VSIG8: variants seen among roughly 807,000 people sequenced by gnomAD.
VSIG8 encodes the protein V-set and immunoglobulin domain-containing protein 8.
In VSIG8, 32 loss-of-function variants were observed where a neutral mutation model predicts 42.6. The ratio of observed to expected loss-of-function variants is 0.75; its 90% CI spans 0.57 to 1.01. VSIG8 has a LOEUF of 1.01. Ranked by LOEUF, VSIG8 falls within the 50% of genes least tolerant of loss-of-function variation. The pLI is 0.00. For synonymous variants in VSIG8, 290 were observed against 243.8 expected (o/e 1.19, Z -1.77); for missense variants, 529 against 558.0 (o/e 0.95, Z 0.52).
intron 5 of VSIG8, 130 bp downstream of exon 5, chr1:159,856,393 AG>A: frequency 1.4e-6 from 2 of 1,478,974 alleles, no homozygotes; most frequent in South Asian, 2.5e-5. Flanking sequence ...CTTGTAGGAA[AG>A]GGGCTGGGAG....
At chr1:159,855,104 G>A (rs941752419) in intron 6 of VSIG8, 78 bp from the exon 7 acceptor site, 18 of 1,552,636 alleles carry the variant, frequency 1.2e-5, no homozygotes, top group African/African-American at 2.7e-5. Context: ...AGAGCCGGGG[G>A]CTCTTGGCAA....
At chr1:159,860,906 C>T (rs922710528) in intron 1 of VSIG8, 2 of 152,366 alleles carry the variant, frequency 1.3e-5, no homozygotes, top group African/African-American at 4.8e-5. Context: ...GCACCTCCAC[C>T]CTGCACCAGG....
At chr1:159,858,405 A>G (rs1648915632) in intron 2 of VSIG8, 114 bp from the exon 3 acceptor site, 3 of 1,089,662 alleles carry the variant, frequency 2.8e-6, no homozygotes, top group African/African-American at 3.1e-5. Context: ...TCTCAGCTGA[A>G]AAAATGAGAA....
chr1:159,855,705 G>C (rs1240331465), intron 6 of VSIG8, 178 bp downstream of exon 6: 1 of 946,794 alleles, frequency 1.1e-6, no homozygotes, highest in African/African-American at 1.8e-5. Flanking sequence ...GGGGTGGCAG[G>C]GGGAGGGGAA....
intron 1 of VSIG8, 64 bp from the exon 2 acceptor site, chr1:159,858,976 G>A: frequency 1.3e-6 from 2 of 1,534,796 alleles, no homozygotes; most frequent in Non-Finnish European, 1.8e-6. Flanking sequence ...AGGAGTCAGT[G>A]TCAGCCCTTC....
chr1:159,855,404 A>G (rs1571165327), intron 6 of VSIG8: 44 of 1,408,508 alleles, frequency 3.1e-5, no homozygotes, highest in South Asian at 9.5e-5. Flanking sequence ...TCTCTTTCTC[A>G]CCTCCTGCCC....
In VSIG8 at chr1:159,859,045, G is replaced by A. The variant is rs1039132805; in HGVS notation, c.50-133C>T. Reference sequence around the variant, plus strand: ...CAGCAGTGCTTTCATAAAAAGGAGGGCTGCTCGTAGTGGGTGTGTATGTGT... The same window carrying A: ...CAGCAGTGCTTTCATAAAAAGGAGGACTGCTCGTAGTGGGTGTGTATGTGT... On this transcript the variant is annotated intron_variant, in intron 1 of 6. Transcript: ENST00000368100. 25 of 895,962 alleles carry A rather than the reference G, an allele frequency of 2.8e-5. 1 individual carries two copies. The highest frequency in any genetic ancestry group is 4.1e-5 in the Non-Finnish European group (25 of 606,536). 55.5% of individuals were successfully genotyped at this position (895,962 alleles called of 1,614,324 possible). A position where few individuals can be genotyped will look rare whatever the true frequency, so the allele number is the denominator to read the frequency against.
intron 4 of VSIG8, 151 bp downstream of exon 4, chr1:159,857,594 A>C: frequency 3.4e-6 from 2 of 593,630 alleles, no homozygotes; most frequent in Non-Finnish European, 5.8e-6. Flanking sequence ...AAAAAAAAAT[A>C]GCAGCTGCTG....
At chr1:159,859,895 C>G in intron 1 of VSIG8, among the ~76,000 whole-genome samples, 1 of 152,140 alleles carries the variant, frequency 6.6e-6, no homozygotes, top group East Asian at 1.9e-4. Flanking sequence ...GAGCTCAGGA[C>G]TGAGCTCTTG....
In VSIG8 at chr1:159,858,712, G is replaced by C. The variant is rs766191018; in HGVS notation, c.228+22C>G. 31 of 1,586,228 alleles carry C rather than the reference G, an allele frequency of 2.0e-5. 1 individual carries two copies. In the South Asian group the frequency reaches 3.5e-4, roughly 18 times the overall value. On this transcript the variant is annotated intron_variant, in intron 2 of 6. Transcript: ENST00000368100. ...GACATCATGAAGCCTAGAGGAAGGA[G>C]ACCCCTGTGCCCAGCACTCACCACG... is the stretch of plus-strand genomic sequence containing the variant.
intron 6 of VSIG8, 33 bp downstream of exon 6, chr1:159,855,850 G>T (rs943624916): frequency 1.3e-6 from 2 of 1,523,282 alleles, no homozygotes; most frequent in South Asian, 1.3e-5. Context: ...GTTCCCTGCC[G>T]CACAGCAGCA....
rs772156350 is a variant in VSIG8, at chr1:159,855,923, C to A, written c.931G>T (p.Val311Phe). 6.4e-7 allele frequency: 1 copy of A among 1,563,180 alleles called. No individual in the cohort carries two copies. The highest frequency in any genetic ancestry group is 8.7e-7 in the Non-Finnish European group (1 of 1,155,396). ...GAFGYGNGGG[V>F]GGGACGDLAS... is the part of the protein sequence containing the mutation. ...AAGTCGCCGCAGGCCCCTCCGCCGA[C>A]CCCGCCGCCGTTGCCGTAGCCGAAG... is the stretch of plus-strand genomic sequence containing the variant. The change falls in exon 6 of 7, where the codon GTC becomes TTC. Residue 311 changes from valine (V) to phenylalanine (F), a missense_variant. Transcript: ENST00000368100.
In VSIG8 at chr1:159,854,316, T is replaced by G. The variant is rs1648716854; in HGVS notation, c.*437A>C. ...TGGAACGCGGACAGCCACTTCGGAC[T>G]CACGTCTCAATGTTTCTTTATTGTG... On this transcript the variant is annotated 3_prime_UTR_variant, in exon 7 of 7. Coordinates refer to ENST00000368100, the MANE Select transcript of VSIG8 (RefSeq NM_001013661.1). 6.3e-6 allele frequency: 1 copy of G among 157,986 alleles called. No homozygotes were observed. Among genetic ancestry groups the G allele is most frequent in the Non-Finnish European group, 1.4e-5 (1 of 71,886 alleles). The allele number at this position is 157,986 out of a possible 1,614,324, so 9.8% of individuals were successfully genotyped here. A position where few individuals can be genotyped will look rare whatever the true frequency, so the allele number is the denominator to read the frequency against.
At chr1:159,861,570 A>G (rs1179494429) in intron 1 of VSIG8, 1 of 152,128 alleles carries the variant, frequency 6.6e-6, no homozygotes, top group Non-Finnish European at 1.5e-5. Context: ...AAATGTCATC[A>G]TTCCCATGCA....
chr1:159,862,124 T>C (rs1261372807), intron 1 of VSIG8: 2 of 284,134 alleles, frequency 7.0e-6, no homozygotes, highest in African/African-American at 4.4e-5. Context: ...TGCCCGTGCT[T>C]ACCCCTCTCC....
At chr1:159,857,583 A>C (rs1039869550) in intron 4 of VSIG8, among the ~76,000 whole-genome samples, 162 bp downstream of exon 4, 9 of 151,312 alleles carry the variant, frequency 5.9e-5, no homozygotes, top group Non-Finnish European at 1.3e-4. Flanking sequence ...CTCAAAAAAA[A>C]AAAAAAAAAT....
chr1:159,858,206 C>T lies in VSIG8; in HGVS notation c.314G>A (p.Ser105Asn), dbSNP rs1648909739. 1.2e-6 allele frequency: 2 copies of T among 1,614,234 alleles called. No homozygotes were observed. Among genetic ancestry groups the T allele is most frequent in the African/African-American group, 1.3e-5 (1 of 75,044 alleles). Residue 105 changes from serine to asparagine, a missense_variant, in exon 3 of 7, where the codon AGC (serine) becomes AAC (asparagine). Transcript: ENST00000368100. ...QRVRFAASDP[S>N]QYDASINLMN... Reference sequence around the variant, plus strand: ...GAGGTTGATGGAGGCATCGTACTGGCTTGGGTCTGAGGCTGCAAAGCGGAC... The same window carrying T: ...GAGGTTGATGGAGGCATCGTACTGGTTTGGGTCTGAGGCTGCAAAGCGGAC...
chr1:159,856,766 C>G lies in VSIG8; in HGVS notation c.653-123G>C. 1.4e-5 allele frequency: 16 copies of G among 1,117,036 alleles called. 1 individual carries two copies. The South Asian group carries it at 2.4e-4, about 17-fold the overall frequency. 69.2% of individuals were successfully genotyped at this position (1,117,036 alleles called of 1,614,324 possible). On this transcript the variant is annotated intron_variant, in intron 4 of 6. Coordinates refer to ENST00000368100, the MANE Select transcript of VSIG8 (RefSeq NM_001013661.1). ...GAAGGCTTATGCATGTGTGTACACC[C>G]ACACCCACACACACACACACACACT...
intron 4 of VSIG8, 144 bp downstream of exon 4, chr1:159,857,601 G>T: frequency 1.6e-6 from 1 of 622,692 alleles, no homozygotes; most frequent in Non-Finnish European, 2.7e-6. Flanking sequence ...AATAGCAGCT[G>T]CTGGGGCAGG....
Sources: allele counts gnomAD v4.1 joint callset (sites outside exome capture counted in the v4.1 genomes callset), GRCh38; gene constraint gnomAD v4.1.1; transcripts MANE v1.5; gene names NCBI Gene and HGNC (gene_info 2026-07-23, HGNC 2026-07-21).